Variants in ANKS1A observed in about 807,000 individuals in gnomAD.
ANKS1A encodes ankyrin repeat and SAM domain-containing protein 1A.
Under a neutral mutation model 120.3 loss-of-function variants are expected in ANKS1A, and 55 were observed. The observed-to-expected ratio is 0.46, with a 90% CI of 0.37 to 0.57. The LOEUF is 0.57. Among genes scored for constraint, ANKS1A ranks in the 20% least tolerant of loss-of-function variants. The pLI is 0.00. For missense variants in ANKS1A, 1,123 were observed against 1,480.3 expected (o/e 0.76, Z 3.96); for synonymous variants, 590 against 604.7 (o/e 0.98, Z 0.36).
At chr6:34,976,501 A>G (rs188983585) in intron 3 of ANKS1A, among the ~76,000 whole-genome samples, 47 of 152,304 alleles carry the variant, frequency 3.1e-4, no homozygotes, top group African/African-American at 1.1e-3. Context: ...TCAAATTAAT[A>G]TTAGGGCAGA....
At position 35,086,312 on chromosome 6, in the gene ANKS1A, T is replaced by C. The variant is rs1479697555; in HGVS notation, c.3303+376T>C. 1 of 1,307,162 alleles carries C rather than the reference T, an allele frequency of 7.7e-7. No homozygotes were observed. Among genetic ancestry groups the C allele is most frequent in the Non-Finnish European group, 1.0e-6 (1 of 1,000,966 alleles). 81.0% of individuals were successfully genotyped at this position (1,307,162 alleles called of 1,614,324 possible). ...TAGTCGCTGTTGTTACTGTCACACC[T>C]GCACCACCCACCGTCCTTCCTACCT... On this transcript the variant is annotated intron_variant, in intron 22 of 23. Transcript: ENST00000360359. This position sits in a 1 kb window ranked among gnomAD's most constrained non-coding sequence, Gnocchi z 5.1.
chr6:35,016,779 AAAAG>A (rs1447424361), intron 10 of ANKS1A, among the ~76,000 whole-genome samples: 36 of 134,014 alleles, frequency 2.7e-4, no homozygotes, highest in African/African-American at 8.2e-4. Flanking sequence ...AAAAAAAAAA[AAAAG>A]AGAGAGAGAA....
intron 1 of ANKS1A, among the ~76,000 whole-genome samples, chr6:34,965,847 A>C (rs1770868046): frequency 6.6e-6 from 1 of 151,950 alleles, no homozygotes; most frequent in African/African-American, 2.4e-5. Context: ...CCTGGATTCA[A>C]GCAATTCTTC....
In ANKS1A at chr6:35,081,272, G is replaced by A. The variant is rs369766645; in HGVS notation, c.2709+114G>A. On this transcript the variant is annotated intron_variant, in intron 17 of 23. Transcript: ENST00000360359. ...CTTGAGCACAGTTGGGCTGGCACCAGAGTCAGGAGGCACTAGCCTGCTCTG... is the reference window on the plus strand; with the variant it reads ...CTTGAGCACAGTTGGGCTGGCACCAAAGTCAGGAGGCACTAGCCTGCTCTG... 1.3e-4 allele frequency: 182 copies of A among 1,362,750 alleles called. 1 individual carries two copies. The South Asian group carries it at 2.6e-3, about 20-fold the overall frequency. The allele number at this position is 1,362,750 out of a possible 1,614,324, so 84.4% of individuals were successfully genotyped here.
intron 2 of ANKS1A, among the ~76,000 whole-genome samples, chr6:34,968,689 C>T (rs1472336941): frequency 2.0e-5 from 3 of 152,128 alleles, no homozygotes; most frequent in African/African-American, 7.2e-5. Flanking sequence ...CCACCTGCCT[C>T]AGCCTCCCAA....
At chr6:34,894,275 C>T (rs1017000489) in intron 1 of ANKS1A, among the ~76,000 whole-genome samples, 1 of 152,106 alleles carries the variant, frequency 6.6e-6, no homozygotes, top group African/African-American at 2.4e-5. Context: ...GAAAGAAACT[C>T]CTGTATAAGA....
chr6:34,926,688 C>G (rs1460308339), intron 1 of ANKS1A, among the ~76,000 whole-genome samples: 3 of 152,194 alleles, frequency 2.0e-5, no homozygotes, highest in African/African-American at 7.2e-5. Flanking sequence ...TCATTGCAGC[C>G]TTGTTAACAC....
At chr6:34,903,692 A>G (rs1767488100) in intron 1 of ANKS1A, among the ~76,000 whole-genome samples, 1 of 151,624 alleles carries the variant, frequency 6.6e-6, no homozygotes, top group South Asian at 2.1e-4. Context: ...TTGTTTTTGT[A>G]TTTCAGTAGA....
intron 1 of ANKS1A, among the ~76,000 whole-genome samples, chr6:34,957,139 T>C (rs1267670740): frequency 6.6e-6 from 1 of 152,358 alleles, no homozygotes; most frequent in East Asian, 1.9e-4. Context: ...CTTCTCCTGT[T>C]CCTTTTGCCT....
Position 35,083,462 on chromosome 6 carries a change from A to G in ANKS1A, c.2953A>G (p.Ile985Val), listed in dbSNP as rs1205469658. Residue 985 changes from isoleucine (I) to valine (V), a missense_variant, in exon 20 of 24, where the codon ATC (isoleucine) becomes GTC (valine). By Grantham distance (29) the Ile-to-Val change is conservative. Around this residue, in one of 3 missense-constraint regions of ANKS1A, gnomAD observed 904 missense variants for 1,130.4 expected, o/e 0.80. Coordinates refer to ENST00000360359, the MANE Select transcript of ANKS1A (RefSeq NM_015245.3). ...MKKIPTIILS[I>V]TYKGVKFIDA... is the part of the protein sequence containing the mutation. The stretch of plus-strand genomic sequence containing the variant: ...GAAGATCCCCACCATCATCCTGTCC[A>G]TCACATACAAAGGTGTCAAGTTCAT... 3 of 1,614,000 alleles carry G rather than the reference A, an allele frequency of 1.9e-6. No homozygotes were observed. Among genetic ancestry groups the G allele is most frequent in the Admixed American group, 1.7e-5 (1 of 60,004 alleles).
chr6:35,006,481 G>A lies in ANKS1A; in HGVS notation c.1424-10992G>A, dbSNP rs372466203. On this transcript the variant is annotated intron_variant, in intron 10 of 23. Transcript: ENST00000360359. ...TTGTATCAAAACATCTCGGCCAGGC[G>A]TGGTGGCTCACGCCTGTAATCCCAG... Among the ~76,000 whole-genome samples, 110 of 152,184 alleles carry A rather than the reference G, an allele frequency of 7.2e-4. 1 individual carries two copies. The highest frequency in any genetic ancestry group is 2.5e-3 in the African/African-American group (102 of 41,518).
chr6:35,091,833 G>A (rs1399709692), downstream of ANKS1A, among the ~76,000 whole-genome samples: 1 of 152,238 alleles, frequency 6.6e-6, no homozygotes, highest in Non-Finnish European at 1.5e-5. Flanking sequence ...CAGAGGTTAA[G>A]TTTTAGACAT....
At position 35,076,429 on chromosome 6, in the gene ANKS1A, G is replaced by T. The variant is rs539542090; in HGVS notation, c.2185-2129G>T. Among the ~76,000 whole-genome samples the T allele has an allele frequency of 2.0e-5, 3 of 152,244 alleles. No individual in the cohort carries two copies. The South Asian group carries it at 6.2e-4, about 32-fold the overall frequency. ...TCTGTCTCAAAAAAAGAAAAACTCT[G>T]AGGCTATAAGCCAGTTAACTCAAGG... On this transcript the variant is annotated intron_variant, in intron 13 of 23. Coordinates refer to ENST00000360359, the MANE Select transcript of ANKS1A (RefSeq NM_015245.3).
chr6:34,967,388 T>C, intron 2 of ANKS1A, 69 bp downstream of exon 2: 1 of 1,529,172 alleles, frequency 6.5e-7, no homozygotes, highest in Non-Finnish European at 9.0e-7. Flanking sequence ...GCCTTTTCAT[T>C]TCCTAGAAAA....
At chr6:34,904,244 T>C (rs1181598895) in intron 1 of ANKS1A, among the ~76,000 whole-genome samples, 1 of 152,232 alleles carries the variant, frequency 6.6e-6, no homozygotes, top group Non-Finnish European at 1.5e-5. Flanking sequence ...AAATAGTTAT[T>C]AAAACATATT....
chr6:34,905,576 T>C (rs922782381), intron 1 of ANKS1A, among the ~76,000 whole-genome samples: 1 of 152,242 alleles, frequency 6.6e-6, no homozygotes, highest in Non-Finnish European at 1.5e-5. Context: ...AAGATAATTA[T>C]TGTTATTTCC....
At chr6:35,030,025 G>T (rs1461592774) in intron 11 of ANKS1A, among the ~76,000 whole-genome samples, 1 of 152,026 alleles carries the variant, frequency 6.6e-6, no homozygotes, top group Non-Finnish European at 1.5e-5. Flanking sequence ...ACTTTTCCTG[G>T]TGATGAAACT....
chr6:34,945,876 C>G (rs996691987), intron 1 of ANKS1A, among the ~76,000 whole-genome samples: 44 of 151,890 alleles, frequency 2.9e-4, no homozygotes, highest in African/African-American at 1.0e-3. Flanking sequence ...CTTCATTATC[C>G]TTTTAATATC....
downstream of ANKS1A, among the ~76,000 whole-genome samples, chr6:35,095,141 C>CAAA (rs34813964): frequency 1.2e-4 from 10 of 81,204 alleles, no homozygotes; most frequent in South Asian, 5.2e-4. Flanking sequence ...ACCCCCATCT[C>CAAA]AAAAAAAAAA....
Sources: allele counts gnomAD v4.1 joint callset (sites outside exome capture counted in the v4.1 genomes callset), GRCh38; gene constraint gnomAD v4.1.1; regional missense constraint gnomAD v4.1.1; non-coding constraint Gnocchi (gnomAD v3.1); transcripts MANE v1.5; gene names NCBI Gene and HGNC (gene_info 2026-07-23, HGNC 2026-07-21).